CRIM1: variants seen among roughly 807,000 people sequenced by gnomAD.
CRIM1 encodes the protein cysteine rich transmembrane BMP regulator 1.
In CRIM1, 32 loss-of-function variants were observed where a neutral mutation model predicts 116.4. The ratio of observed to expected loss-of-function variants is 0.27; its 90% CI spans 0.21 to 0.37. The LOEUF is 0.37. CRIM1 is among the 10% of genes least tolerant of loss of function. CRIM1 has a pLI of 1.00. For missense variants in CRIM1, 1,331 were observed against 1,354.8 expected (o/e 0.98, Z 0.28); for synonymous variants, 590 against 509.2 (o/e 1.16, Z -2.13).
At chr2:36,388,448 T>C (rs1671334156) in intron 1 of CRIM1, among the ~76,000 whole-genome samples, 2 of 152,172 alleles carry the variant, frequency 1.3e-5, no homozygotes, top group African/African-American at 2.4e-5. Flanking sequence ...ATTGTTAGCA[T>C]TGTACAATTT....
intron 4 of CRIM1, among the ~76,000 whole-genome samples, chr2:36,445,287 A>T (rs561760898): frequency 6.6e-6 from 1 of 152,126 alleles, no homozygotes; most frequent in African/African-American, 2.4e-5. Flanking sequence ...ATGGTGCGGT[A>T]CTCCTCAATC....
chr2:36,465,436 G>A (rs757627616), intron 5 of CRIM1, among the ~76,000 whole-genome samples: 23 of 152,314 alleles, frequency 1.5e-4, no homozygotes, highest in South Asian at 1.0e-3. Context: ...GTCAATACTT[G>A]TATACACAGG....
At chr2:36,400,692 A>G (rs575407685) in intron 2 of CRIM1, among the ~76,000 whole-genome samples, 4 of 152,288 alleles carry the variant, frequency 2.6e-5, no homozygotes, top group African/African-American at 7.2e-5. Flanking sequence ...CTAGGTTTCA[A>G]TTTACACAAG....
intron 1 of CRIM1, among the ~76,000 whole-genome samples, chr2:36,393,408 AT>A (rs1671772406): frequency 6.6e-6 from 1 of 152,068 alleles, no homozygotes; most frequent in South Asian, 2.1e-4. Context: ...ACACACACAC[AT>A]TTTTTAATTA....
chr2:36,524,403 A>G (rs1029803254), intron 13 of CRIM1, among the ~76,000 whole-genome samples: 55 of 152,346 alleles, frequency 3.6e-4, no homozygotes, highest in African/African-American at 1.3e-3. Context: ...AGGGGAAAGT[A>G]TAGCCAATAT....
intron 2 of CRIM1, among the ~76,000 whole-genome samples, chr2:36,418,714 C>T (rs1472997634): frequency 6.6e-6 from 1 of 152,190 alleles, no homozygotes; most frequent in East Asian, 1.9e-4. Context: ...AATGGGAAAT[C>T]ACATCTATAG....
chr2:36,453,365 T>C (rs528092920), intron 4 of CRIM1, among the ~76,000 whole-genome samples: 29 of 152,358 alleles, frequency 1.9e-4, no homozygotes, highest in African/African-American at 5.5e-4. Flanking sequence ...ATGGCTCTTA[T>C]GATAATATGA....
chr2:36,390,523 C>T (rs3770938), intron 1 of CRIM1, among the ~76,000 whole-genome samples: 79,436 of 151,910 alleles, frequency 0.52, 22,836 homozygotes, highest in East Asian at 0.85. Context: ...AACGGTGTTA[C>T]CAGAATTAAA....
chr2:36,448,044 A>G (rs1346563330), intron 4 of CRIM1, among the ~76,000 whole-genome samples: 1 of 152,212 alleles, frequency 6.6e-6, no homozygotes, highest in Non-Finnish European at 1.5e-5. Flanking sequence ...CTTCAGCTTT[A>G]ATATCATTTA....
At chr2:36,484,773 T>A (rs1256745333) in intron 7 of CRIM1, among the ~76,000 whole-genome samples, 1 of 152,132 alleles carries the variant, frequency 6.6e-6, no homozygotes, top group Non-Finnish European at 1.5e-5. Flanking sequence ...AACACCAGAG[T>A]ATCACTTTTC....
chr2:36,449,703 G>A (rs1490067087), intron 4 of CRIM1, among the ~76,000 whole-genome samples: 2 of 152,098 alleles, frequency 1.3e-5, no homozygotes, highest in African/African-American at 2.4e-5. Flanking sequence ...AGGAACCCAA[G>A]CCGCTAGCGA....
rs1204820171 is a variant in CRIM1 at position 36,491,183 on chromosome 2, A to G, written c.1373-8036A>G. Among the ~76,000 whole-genome samples, 4 of 152,216 alleles carry G rather than the reference A, an allele frequency of 2.6e-5. No individual in the cohort carries two copies. The East Asian group carries it at 7.7e-4, about 29-fold the overall frequency. On this transcript the variant is annotated intron_variant, in intron 7 of 16. Coordinates refer to ENST00000280527, the MANE Select transcript of CRIM1 (RefSeq NM_016441.3). ...ATTTGGGATGTCAGATCTTACATTA[A>G]GAATTTTATAGGAGGCCTTCTATAA...
At chr2:36,426,980 A>T (rs1572704298) in intron 2 of CRIM1, among the ~76,000 whole-genome samples, 1 of 152,122 alleles carries the variant, frequency 6.6e-6, no homozygotes, top group Non-Finnish European at 1.5e-5. Flanking sequence ...AGGCGGGTGG[A>T]TCACGAGGTC....
intron 11 of CRIM1, among the ~76,000 whole-genome samples, chr2:36,516,304 G>A (rs1665027859): frequency 6.6e-6 from 1 of 152,104 alleles, no homozygotes. Context: ...CTCCAAGCAT[G>A]AGCTAGCCGT....
intron 2 of CRIM1, among the ~76,000 whole-genome samples, chr2:36,400,638 C>A (rs1230691502): frequency 6.6e-6 from 1 of 152,052 alleles, no homozygotes; most frequent in Non-Finnish European, 1.5e-5. Context: ...AAAGCCATTC[C>A]CATTTGAGAA....
chr2:36,508,419 TAA>T (rs1389459780), intron 8 of CRIM1, among the ~76,000 whole-genome samples: 4 of 152,218 alleles, frequency 2.6e-5, no homozygotes, highest in Admixed American at 2.0e-4. Flanking sequence ...GATTATAATA[TAA>T]GTGTGTTTTG....
intron 7 of CRIM1, among the ~76,000 whole-genome samples, chr2:36,491,687 C>T (rs562777910): frequency 4.6e-5 from 7 of 152,262 alleles, no homozygotes; most frequent in African/African-American, 9.6e-5. Flanking sequence ...TTGTCCCTAA[C>T]GTGCAGACCC....
intron 1 of CRIM1, among the ~76,000 whole-genome samples, chr2:36,374,037 C>T (rs865884410): frequency 1.3e-5 from 2 of 152,154 alleles, no homozygotes; most frequent in African/African-American, 2.4e-5. Context: ...GTCTCCTCTT[C>T]GGCAGTTCCT....
chr2:36,513,473 G>C (rs1390259990), intron 10 of CRIM1, 83 bp from the exon 11 acceptor site: 13 of 1,054,160 alleles, frequency 1.2e-5, no homozygotes, highest in Non-Finnish European at 1.9e-5. Context: ...TGGTGGCTGG[G>C]GTCCAGTCCA....
Sources: allele counts gnomAD v4.1 joint callset (sites outside exome capture counted in the v4.1 genomes callset), GRCh38; gene constraint gnomAD v4.1.1; transcripts MANE v1.5; gene names NCBI Gene and HGNC (gene_info 2026-07-23, HGNC 2026-07-21).